Variants in NDUFA8 observed in about 807,000 individuals in gnomAD.
The protein encoded by NDUFA8 is NADH:ubiquinone oxidoreductase subunit A8.
A neutral mutation model predicts 20.9 loss-of-function variants in NDUFA8; 16 were observed. That is an observed-to-expected ratio of 0.77 (90% CI 0.52 to 1.16). NDUFA8 has a LOEUF of 1.16. Ranked by LOEUF, NDUFA8 falls within the 50% of genes most tolerant of loss-of-function variation. The pLI, the probability that NDUFA8 is intolerant of heterozygous loss-of-function variation, is 0.00. For missense variants in NDUFA8, 202 were observed against 216.4 expected (o/e 0.93, Z 0.42); for synonymous variants, 70 against 76.1 (o/e 0.92, Z 0.41).
At chr9:122,155,443 A>G (rs1829064179) in intron 1 of NDUFA8, among the ~76,000 whole-genome samples, 1 of 152,226 alleles carries the variant, frequency 6.6e-6, no homozygotes. Context: ...AAAGATGACA[A>G]GAGTAATTAA....
chr9:122,142,579 A>G (rs528701086), downstream of NDUFA8, among the ~76,000 whole-genome samples: 2 of 152,302 alleles, frequency 1.3e-5, no homozygotes, highest in African/African-American at 2.4e-5. Context: ...CTTTACTTGT[A>G]TCCTGTATCT....
intron 2 of NDUFA8, 47 bp downstream of exon 2, chr9:122,152,198 A>C (rs1414798570): frequency 6.2e-7 from 1 of 1,608,854 alleles, no homozygotes; most frequent in Non-Finnish European, 8.5e-7. Flanking sequence ...TATTCATTTA[A>C]ACCTTTATGC....
At chr9:122,137,647 T>C in the NDUFA8 span, among the ~76,000 whole-genome samples, 10 of 152,244 alleles carry the variant, frequency 6.6e-5, no homozygotes, top group African/African-American at 2.2e-4. Flanking sequence ...AAGCCCAAAA[T>C]GCTCTTCTCA....
At position 122,144,181 on chromosome 9, in the gene NDUFA8, T is replaced by C. The variant is rs1828863025; in HGVS notation, c.*60A>G. The stretch of plus-strand genomic sequence containing the variant: ...ACACTATCAGTCGATGCAAACCGCA[T>C]GGGCGTTTTCATCAGTCGTTGTCTG... On this transcript the variant is annotated 3_prime_UTR_variant, in exon 4 of 4. Transcript: ENST00000373768. The C allele has an allele frequency of 1.2e-6, 2 of 1,611,984 alleles. No individual in the cohort carries two copies. Among genetic ancestry groups the C allele is most frequent in the Admixed American group, 3.3e-5 (2 of 59,988 alleles).
the NDUFA8 span, among the ~76,000 whole-genome samples, chr9:122,135,018 G>A: frequency 1.1e-3 from 160 of 152,322 alleles, 2 homozygotes; most frequent in African/African-American, 2.9e-4. Flanking sequence ...CAAGAAACAC[G>A]GTCTTTTCAT....
At chr9:122,147,468 C>T (rs1372150446) in intron 3 of NDUFA8, among the ~76,000 whole-genome samples, 1 of 152,184 alleles carries the variant, frequency 6.6e-6, no homozygotes, top group Non-Finnish European at 1.5e-5. Flanking sequence ...TAAGCCTGAT[C>T]CTATTTCCCC....
At chr9:122,152,552 A>G in intron 1 of NDUFA8, 144 bp from the exon 2 acceptor site, 1 of 691,192 alleles carries the variant, frequency 1.4e-6, no homozygotes, top group Non-Finnish European at 2.2e-6. Context: ...TGTCATAATA[A>G]TAATTTTTTT....
chr9:122,153,277 A>T (rs889833334), intron 1 of NDUFA8, among the ~76,000 whole-genome samples: 15 of 151,556 alleles, frequency 9.9e-5, no homozygotes, highest in Non-Finnish European at 2.2e-4. Context: ...AAAAAAAAAA[A>T]AAATTAAATT....
chr9:122,159,547 C>T, intron 1 of NDUFA8, 80 bp downstream of exon 1: 1 of 1,570,782 alleles, frequency 6.4e-7, no homozygotes. Context: ...CCAGGATCCG[C>T]GGAGCCCAAG....
At position 122,148,129 on chromosome 9, in the gene NDUFA8, G is replaced by A; in HGVS notation, c.364C>T (p.Leu122=). Residue 122 remains leucine (L), a synonymous_variant, in exon 3 of 4, where the codon CTG becomes TTG. Coordinates refer to ENST00000373768, the MANE Select transcript of NDUFA8 (RefSeq NM_014222.3). Reference sequence around the variant, plus strand: ...CTTTTTACCTTTGACAGTTCTCCCAGGTCAGGCCGCACCCAGCCCAGTTTG... The same window carrying A: ...CTTTTTACCTTTGACAGTTCTCCCAAGTCAGGCCGCACCCAGCCCAGTTTG... ...LDKLGWVRPD[L]GELSKVTKVK... is the part of the protein sequence containing the mutation. 6.2e-7 allele frequency: 1 copy of A among 1,614,134 alleles called. No homozygotes were observed. The highest frequency in any genetic ancestry group is 8.5e-7 in the Non-Finnish European group (1 of 1,180,032).
rs910049608 is a variant in NDUFA8, at chr9:122,146,216, C to G, written c.382-1838G>C. ...GTGAGCTCAAGCGATCCTCCTGCCT[C>G]AGCCTCCCAAAGTGCTAGAATTGCA... is the stretch of plus-strand genomic sequence containing the variant. On this transcript the variant is annotated intron_variant, in intron 3 of 3. Transcript: ENST00000373768. Among the ~76,000 whole-genome samples the G allele has an allele frequency of 3.9e-5, 6 of 152,260 alleles. No homozygotes were observed. In the East Asian group the frequency reaches 1.2e-3, roughly 29 times the overall value.
At chr9:122,152,153 C>T in intron 2 of NDUFA8, 92 bp downstream of exon 2, 1 of 1,421,200 alleles carries the variant, frequency 7.0e-7, no homozygotes, top group African/African-American at 1.4e-5. Flanking sequence ...TATGTACTTC[C>T]TAATAAAATC....
chr9:122,138,021 G>A, the NDUFA8 span, among the ~76,000 whole-genome samples: 1 of 152,166 alleles, frequency 6.6e-6, no homozygotes, highest in Non-Finnish European at 1.5e-5. Context: ...AGGATCCTTG[G>A]AAACAACCAC....
At chr9:122,138,867 G>C in the NDUFA8 span, among the ~76,000 whole-genome samples, 3 of 140,678 alleles carry the variant, frequency 2.1e-5, 1 homozygote, top group South Asian at 5.1e-4. Context: ...AGAAGAGGTG[G>C]GGGGGGGGCC....
At chr9:122,134,425 G>A in the NDUFA8 span, among the ~76,000 whole-genome samples, 7 of 152,142 alleles carry the variant, frequency 4.6e-5, no homozygotes, top group East Asian at 1.9e-4. Flanking sequence ...TAACAGGAAC[G>A]CCTATTTCAT....
chr9:122,137,396 C>T, the NDUFA8 span, among the ~76,000 whole-genome samples: 1 of 151,960 alleles, frequency 6.6e-6, no homozygotes, highest in Non-Finnish European at 1.5e-5. Flanking sequence ...TGTGCACCAT[C>T]ACACCCGGCT....
intron 3 of NDUFA8, among the ~76,000 whole-genome samples, chr9:122,145,698 A>C (rs183720598): frequency 3.5e-4 from 53 of 152,338 alleles, no homozygotes; most frequent in Admixed American, 3.3e-3. Flanking sequence ...GATACACACT[A>C]ATGTCAGAGC....
Position 122,144,329 on chromosome 9 carries a change from G to C in NDUFA8, c.431C>G (p.Ser144Ter). The C allele has an allele frequency of 6.2e-7, 1 of 1,614,172 alleles. No individual in the cohort carries two copies. The highest frequency in any genetic ancestry group is 8.5e-7 in the Non-Finnish European group (1 of 1,180,022). The change falls in exon 4 of 4, where the codon TCA becomes TGA. Residue 144 changes from serine (S) to a stop codon, truncating the protein, a stop_gained. Coordinates refer to ENST00000373768, the MANE Select transcript of NDUFA8 (RefSeq NM_014222.3). LOFTEE classifies it high-confidence loss of function. Reference sequence around the variant, plus strand: ...AGGGCTGGGATCCGGTCTTGGTCTTGAGTGATAGGGATTCTCCGGTAAAGG... The same window carrying C: ...AGGGCTGGGATCCGGTCTTGGTCTTCAGTGATAGGGATTCTCCGGTAAAGG... ...DRPLPENPYH[S>*]RPRPDPSPEI...
At chr9:122,150,804 T>C (rs1031221895) in intron 2 of NDUFA8, among the ~76,000 whole-genome samples, 2 of 151,718 alleles carry the variant, frequency 1.3e-5, no homozygotes, top group Non-Finnish European at 2.9e-5. Context: ...ACCCCATCTC[T>C]ACCAAAAATA....
Sources: gnomAD v4.1 joint callset for allele counts (sites outside exome capture counted in the v4.1 genomes callset) on GRCh38, gnomAD v4.1.1 for gene constraint, MANE v1.5 for transcripts, NCBI Gene and HGNC (gene_info 2026-07-23, HGNC 2026-07-21) for gene names.